Variants in SNX27 observed in about 807,000 individuals in gnomAD.
The protein encoded by SNX27 is sorting nexin 27, also known as sorting nexin-27.
SNX27 carries 22 observed loss-of-function variants against 71.6 expected under a neutral mutation model. That is an observed-to-expected ratio of 0.31 (90% CI 0.22 to 0.44). The LOEUF is 0.44. SNX27 is among the 20% of genes least tolerant of loss of function. The pLI is 1.00. For synonymous variants in SNX27, 269 were observed against 277.2 expected, an observed-to-expected ratio of 0.97 and a Z score of 0.29; for missense variants, 531 against 698.6, an observed-to-expected ratio of 0.76 and a Z score of 2.70.
intron 5 of SNX27, among the ~76,000 whole-genome samples, chr1:151,663,189 C>G (rs1271331331): frequency 6.8e-6 from 1 of 147,966 alleles, no homozygotes. Flanking sequence ...CTTGCTCTGT[C>G]GCCCAGACTG....
chr1:151,656,223 C>CAAAAA (rs71093203), intron 2 of SNX27, among the ~76,000 whole-genome samples: 2 of 77,446 alleles, frequency 2.6e-5, no homozygotes, highest in African/African-American at 5.3e-5. Flanking sequence ...GACTCCGTCT[C>CAAAAA]AAAAAAAAAA....
At chr1:151,669,768 ATAG>A (rs1571850438) in intron 7 of SNX27, among the ~76,000 whole-genome samples, 3 of 152,234 alleles carry the variant, frequency 2.0e-5, no homozygotes, top group Middle Eastern at 3.4e-3. Flanking sequence ...TTGTGGGTAC[ATAG>A]TAGGTGTATA....
At chr1:151,675,465 T>TA (rs1670642085) in intron 7 of SNX27, among the ~76,000 whole-genome samples, 1 of 152,132 alleles carries the variant, frequency 6.6e-6, no homozygotes, top group Non-Finnish European at 1.5e-5. Flanking sequence ...TCCTTTTTCA[T>TA]ACAGTTTTTT....
At chr1:151,644,736 C>T (rs958966085) in intron 2 of SNX27, among the ~76,000 whole-genome samples, 12 of 151,986 alleles carry the variant, frequency 7.9e-5, no homozygotes, top group African/African-American at 1.9e-4. Context: ...TTTACTCTTA[C>T]GTTTAGGTCT....
chr1:151,661,541 A>G (rs561934656), intron 4 of SNX27: 16 of 152,364 alleles, frequency 1.1e-4, no homozygotes, highest in African/African-American at 3.6e-4. Flanking sequence ...TAAAAATTAC[A>G]AGGTCAAAAA....
At chr1:151,693,854 C>A (rs181343880) in intron 11 of SNX27, 1 of 1,422,410 alleles carries the variant, frequency 7.0e-7, no homozygotes, top group East Asian at 2.5e-5. Context: ...TGGATGAGTC[C>A]TGGCAGTCTT....
intron 7 of SNX27, chr1:151,677,817 T>G (rs892089559): frequency 2.0e-5 from 3 of 152,216 alleles, no homozygotes; most frequent in South Asian, 4.1e-4. Context: ...AGTTAATGTT[T>G]TTGGAGCAGT....
intron 6 of SNX27, among the ~76,000 whole-genome samples, chr1:151,668,012 A>G (rs1407377171): frequency 2.0e-5 from 3 of 152,140 alleles, no homozygotes; most frequent in African/African-American, 7.2e-5. Flanking sequence ...TTTATAAAGA[A>G]AAAAGGTCTA....
intron 2 of SNX27, among the ~76,000 whole-genome samples, chr1:151,641,067 T>C (rs1223354282): frequency 1.3e-5 from 2 of 152,232 alleles, no homozygotes; most frequent in African/African-American, 4.8e-5. Context: ...TAGTAGTCCA[T>C]TGTATAGATT....
chr1:151,694,721 CTCCT>C lies in SNX27; in HGVS notation c.*306_*309del. On this transcript the variant is annotated 3_prime_UTR_variant, in exon 12 of 12. Coordinates refer to ENST00000458013, the MANE Select transcript of SNX27 (RefSeq NM_001330723.2). ...CACCTGGGCCTCATACCAACAGCCT[CTCCT>C]TGTACTATATTTTTAAAACTGGAAC... 3.4e-6 allele frequency: 1 copy of C among 290,930 alleles called. No individual in the cohort carries two copies. Among genetic ancestry groups the C allele is most frequent in the Non-Finnish European group, 6.4e-6 (1 of 156,972 alleles). The allele number at this position is 290,930 out of a possible 1,614,324, so 18.0% of individuals were successfully genotyped here. A position where few individuals can be genotyped will look rare whatever the true frequency, so the allele number is the denominator to read the frequency against.
At chr1:151,638,726 T>A in intron 1 of SNX27, 162 bp from the exon 2 acceptor site, 1 of 670,316 alleles carries the variant, frequency 1.5e-6, no homozygotes, top group Admixed American at 2.9e-5. Context: ...GTTTTTCACA[T>A]TAGAAACTGT....
chr1:151,612,100 G>A lies in SNX27; in HGVS notation c.-102G>A. ...GAGTCGGTCCCGCGGCCGGCGGATC[G>A]GGCGCGCGCGTCGGGGGTCGTCCGG... On this transcript the variant is annotated 5_prime_UTR_variant, in exon 1 of 12. Coordinates refer to ENST00000458013, the MANE Select transcript of SNX27 (RefSeq NM_001330723.2). This position sits in a 1 kb window ranked among gnomAD's most constrained non-coding sequence, Gnocchi z 5.2. The A allele has an allele frequency of 8.3e-7, 1 of 1,208,520 alleles. No homozygotes were observed. Among genetic ancestry groups the A allele is most frequent in the Non-Finnish European group, 1.1e-6 (1 of 950,752 alleles). The allele number at this position is 1,208,520 out of a possible 1,614,324, so 74.9% of individuals were successfully genotyped here.
chr1:151,619,023 A>C (rs1047979895), intron 1 of SNX27, among the ~76,000 whole-genome samples: 3 of 150,358 alleles, frequency 2.0e-5, no homozygotes, highest in South Asian at 2.1e-4. Flanking sequence ...AAAAAAAAAA[A>C]CACCTGAAAT....
At chr1:151,681,233 A>ATTTTTTTTTTTTTTT (rs1558071789) in intron 7 of SNX27, among the ~76,000 whole-genome samples, 2 of 87,374 alleles carry the variant, frequency 2.3e-5, no homozygotes, top group Non-Finnish European at 2.2e-5. Context: ...TAGTCTCTCA[A>ATTTTTTTTTTTTTTT]TCTTTTTTTT....
At chr1:151,655,947 G>A (rs564128948) in intron 2 of SNX27, among the ~76,000 whole-genome samples, 6 of 152,232 alleles carry the variant, frequency 3.9e-5, no homozygotes, top group East Asian at 1.9e-4. Context: ...GCTCTTGGCC[G>A]GACACGGGTC....
chr1:151,694,097 C>CT lies in SNX27; in HGVS notation c.1579-265dup, dbSNP rs1401350123. 97 of 1,245,312 alleles carry CT rather than the reference C, an allele frequency of 7.8e-5. 1 individual carries two copies. Among genetic ancestry groups the CT allele is most frequent in the Middle Eastern group, 3.2e-4 (1 of 3,156 alleles). 77.1% of individuals were successfully genotyped at this position (1,245,312 alleles called of 1,614,324 possible). A position where few individuals can be genotyped will look rare whatever the true frequency, so the allele number is the denominator to read the frequency against. ...GAATTTTATCTGGGTTTTCTCCTGG[C>CT]TTTTTTTTCCCTCTGTGTAATTTTG... On this transcript the variant is annotated intron_variant, in intron 11 of 11. Coordinates refer to ENST00000458013, the MANE Select transcript of SNX27 (RefSeq NM_001330723.2).
chr1:151,682,452 G>T (rs1281150331), intron 7 of SNX27, among the ~76,000 whole-genome samples: 1 of 152,126 alleles, frequency 6.6e-6, no homozygotes, highest in Non-Finnish European at 1.5e-5. Context: ...CTCCCGAGTA[G>T]CTGGGATTAC....
In SNX27 at chr1:151,698,226, C is replaced by G. The variant is rs1671871817; in HGVS notation, c.*3809C>G. Reference sequence around the variant, plus strand: ...TTATCCCTTCCTGTAGCTCCAAACCCAGCACTTGGAGCAGCAAAATAGGGC... The same window carrying G: ...TTATCCCTTCCTGTAGCTCCAAACCGAGCACTTGGAGCAGCAAAATAGGGC... On this transcript the variant is annotated 3_prime_UTR_variant, in exon 12 of 12. Transcript: ENST00000458013. 1 of 152,606 alleles carries G rather than the reference C, an allele frequency of 6.6e-6. No individual in the cohort carries two copies. The highest frequency in any genetic ancestry group is 6.5e-5 in the Admixed American group (1 of 15,282). 9.5% of individuals were successfully genotyped at this position (152,606 alleles called of 1,614,324 possible). A position where few individuals can be genotyped will look rare whatever the true frequency, so the allele number is the denominator to read the frequency against.
intron 2 of SNX27, among the ~76,000 whole-genome samples, chr1:151,642,667 C>G (rs1034038678): frequency 6.6e-6 from 1 of 151,790 alleles, no homozygotes; most frequent in African/African-American, 2.4e-5. Context: ...GAGATGGAGT[C>G]TTGCTCTGTC....
Sources: allele counts gnomAD v4.1 joint callset (sites outside exome capture counted in the v4.1 genomes callset), GRCh38; gene constraint gnomAD v4.1.1; non-coding constraint Gnocchi (gnomAD v3.1); transcripts MANE v1.5; gene names NCBI Gene and HGNC (gene_info 2026-07-23, HGNC 2026-07-21).